The following IL17RD variants were observed in gnomAD, a reference collection of about 807,000 sequenced individuals.
IL17RD encodes interleukin 17 receptor D.
In IL17RD, 52 loss-of-function variants were observed where a neutral mutation model predicts 80.5. The observed-to-expected ratio is 0.65, with a 90% CI of 0.52 to 0.81. The LOEUF is 0.81. Among genes scored for constraint, IL17RD ranks in the 40% least tolerant of loss-of-function variants. The pLI is 0.00. For synonymous variants in IL17RD, 416 were observed against 391.8 expected (o/e 1.06, Z -0.73); for missense variants, 1,024 against 955.1 (o/e 1.07, Z -0.95).
intron 1 of IL17RD, among the ~76,000 whole-genome samples, chr3:57,121,486 C>A (rs572376081): frequency 2.0e-5 from 3 of 152,242 alleles, no homozygotes; most frequent in East Asian, 3.9e-4. Flanking sequence ...ACACCACCCA[C>A]CCCCCACTCT....
chr3:57,126,506 G>A (rs1707461727), intron 1 of IL17RD, among the ~76,000 whole-genome samples: 2 of 152,230 alleles, frequency 1.3e-5, no homozygotes, highest in South Asian at 4.1e-4. Context: ...GAGGCCGGCA[G>A]CGGAGCAGGA....
rs1471917557 is a variant in IL17RD, at chr3:57,114,736, T to C, written c.266A>G (p.His89Arg). ...AAGAATGGTGACTGCCACTTGGTCA[T>C]GGCAAGCATACTGGCTGATGGTGAT... is the stretch of plus-strand genomic sequence containing the variant. ...QNITISQYAC[H>R]DQVAVTILWS... Residue 89 changes from histidine to arginine, a missense_variant, in exon 3 of 13, where the codon CAT becomes CGT. Coordinates refer to ENST00000296318, the MANE Select transcript of IL17RD (RefSeq NM_017563.5). The C allele has an allele frequency of 1.9e-6, 3 of 1,612,450 alleles. No individual in the cohort carries two copies. Among genetic ancestry groups the C allele is most frequent in the Non-Finnish European group, 2.5e-6 (3 of 1,179,560 alleles).
chr3:57,118,386 C>A (rs556150771), intron 2 of IL17RD, among the ~76,000 whole-genome samples: 1 of 152,098 alleles, frequency 6.6e-6, no homozygotes, highest in Non-Finnish European at 1.5e-5. Context: ...AGATTGTAAC[C>A]GCAACTTTTA....
intron 1 of IL17RD, among the ~76,000 whole-genome samples, chr3:57,152,315 C>A (rs1032834718): frequency 2.0e-5 from 3 of 152,210 alleles, no homozygotes; most frequent in African/African-American, 7.2e-5. Context: ...TGCTTTCTGG[C>A]CTTTCACTGT....
chr3:57,159,910 G>A (rs1267634014), intron 1 of IL17RD, among the ~76,000 whole-genome samples: 2 of 152,180 alleles, frequency 1.3e-5, no homozygotes, highest in South Asian at 2.1e-4. Flanking sequence ...GGTGGCTCAC[G>A]CCTGTAATCC....
At chr3:57,106,995 T>A (rs975321191) in intron 5 of IL17RD, among the ~76,000 whole-genome samples, 1 of 152,222 alleles carries the variant, frequency 6.6e-6, no homozygotes, top group Non-Finnish European at 1.5e-5. Context: ...CATAAACACA[T>A]TCTTTGAATC....
rs73836409 is a variant in IL17RD, at chr3:57,101,633, G to A, written c.980-270C>T. ...CAGGGGTCACCCTGGTTAGCAGAGC[G>A]CTACCTTAGTTAGCAGAGTGCCCAG... On this transcript the variant is annotated intron_variant, in intron 10 of 12. Transcript: ENST00000296318. Among the ~76,000 whole-genome samples the A allele has an allele frequency of 0.014, 2,138 of 152,302 alleles. 40 individuals carry two copies. The highest frequency in any genetic ancestry group is 0.048 in the African/African-American group (1,976 of 41,564).
At chr3:57,123,936 T>C (rs1707392982) in intron 1 of IL17RD, among the ~76,000 whole-genome samples, 1 of 152,032 alleles carries the variant, frequency 6.6e-6, no homozygotes, top group Admixed American at 6.6e-5. Flanking sequence ...TCCCAGCTAC[T>C]TGGGAGGCTG....
At chr3:57,104,443 T>C in intron 7 of IL17RD, 36 bp from the exon 8 acceptor site, 1 of 1,478,332 alleles carries the variant, frequency 6.8e-7, no homozygotes, top group Non-Finnish European at 9.4e-7. Context: ...AAAACTCACT[T>C]CTTGGGCAAA....
At chr3:57,147,282 C>T (rs1707952659) in intron 1 of IL17RD, among the ~76,000 whole-genome samples, 1 of 152,140 alleles carries the variant, frequency 6.6e-6, no homozygotes, top group East Asian at 1.9e-4. Context: ...TTAAAACAAA[C>T]AACAACCCTG....
intron 11 of IL17RD, among the ~76,000 whole-genome samples, chr3:57,099,526 C>G (rs1706779972): frequency 6.6e-6 from 1 of 152,196 alleles, no homozygotes; most frequent in African/African-American, 2.4e-5. Flanking sequence ...GAAGGGCATT[C>G]TGAAACGACT....
At chr3:57,145,921 C>T (rs945214639) in intron 1 of IL17RD, among the ~76,000 whole-genome samples, 2 of 152,066 alleles carry the variant, frequency 1.3e-5, no homozygotes, top group African/African-American at 2.4e-5. Flanking sequence ...AGCCCAAGAT[C>T]GGGATTTTTT....
In IL17RD at chr3:57,098,142, G is replaced by A; in HGVS notation, c.1561C>T (p.Pro521Ser). 1.2e-6 allele frequency: 2 copies of A among 1,613,996 alleles called. No homozygotes were observed. The highest frequency in any genetic ancestry group is 1.7e-6 in the Non-Finnish European group (2 of 1,179,892). Residue 521 changes from proline (P) to serine (S), a missense_variant, in exon 12 of 13, where the codon CCG becomes TCG. Coordinates refer to ENST00000296318, the MANE Select transcript of IL17RD (RefSeq NM_017563.5). ...LHSRDHGLQE[P>S]GQHTRQGSRR... Reference sequence around the variant, plus strand: ...CTGCCCTGTCGCGTGTGCTGCCCCGGCTCCTGGAGGCCGTGGTCTCGGGAG... The same window carrying A: ...CTGCCCTGTCGCGTGTGCTGCCCCGACTCCTGGAGGCCGTGGTCTCGGGAG...
At chr3:57,127,842 C>T (rs371369184) in intron 1 of IL17RD, among the ~76,000 whole-genome samples, 6 of 152,198 alleles carry the variant, frequency 3.9e-5, no homozygotes, top group Middle Eastern at 6.8e-3. Context: ...AAGGGTGAGA[C>T]GAAGCAGAAT....
At chr3:57,108,620 A>G (rs906646848) in intron 5 of IL17RD, among the ~76,000 whole-genome samples, 5 of 145,960 alleles carry the variant, frequency 3.4e-5, no homozygotes, top group African/African-American at 1.3e-4. Context: ...GGTTCAAGCA[A>G]TTTTCCTGTC....
At chr3:57,097,199 G>A (rs1247513697) in intron 12 of IL17RD, among the ~76,000 whole-genome samples, 2 of 151,798 alleles carry the variant, frequency 1.3e-5, no homozygotes, top group Non-Finnish European at 2.9e-5. Flanking sequence ...CTCAATGAAT[G>A]TAGCTTTAAA....
intron 11 of IL17RD, 81 bp from the exon 12 acceptor site, chr3:57,098,619 C>G: frequency 1.1e-6 from 1 of 902,584 alleles, no homozygotes; most frequent in Non-Finnish European, 1.7e-6. Context: ...AGGGAAATGT[C>G]AGAAGGAGGC....
intron 1 of IL17RD, among the ~76,000 whole-genome samples, chr3:57,144,783 G>T (rs1211152373): frequency 6.6e-6 from 1 of 152,244 alleles, no homozygotes; most frequent in African/African-American, 2.4e-5. Flanking sequence ...GAGAGGCAAG[G>T]ACCTGTGGGT....
intron 1 of IL17RD, chr3:57,142,484 C>A (rs2107527496): frequency 7.8e-7 from 1 of 1,286,922 alleles, no homozygotes; most frequent in African/African-American, 1.5e-5. Flanking sequence ...CGCAGGAACA[C>A]CTGAGGCAGA....
Sources: allele counts gnomAD v4.1 joint callset (sites outside exome capture counted in the v4.1 genomes callset), GRCh38; gene constraint gnomAD v4.1.1; transcripts MANE v1.5; gene names NCBI Gene and HGNC (gene_info 2026-07-23, HGNC 2026-07-21).